Variants in ZFAND5 observed in about 807,000 individuals in gnomAD.
ZFAND5 encodes the protein zinc finger AN1-type containing 5.
A neutral mutation model predicts 23.6 loss-of-function variants in ZFAND5; 4 were observed. The observed-to-expected ratio is 0.17, with a 90% CI of 0.08 to 0.39. The LOEUF (loss-of-function observed/expected upper bound fraction) is 0.39, where lower values mean the gene tolerates loss of function less well. Among genes scored for constraint, ZFAND5 ranks in the 10% least tolerant of loss-of-function variants. The probability of loss-of-function intolerance (pLI) is 1.00; values close to 1 mark genes in which losing one functional copy is unlikely to be tolerated. For missense variants in ZFAND5, 161 were observed against 253.7 expected (o/e 0.63, Z 2.48); for synonymous variants, 68 against 80.6 (o/e 0.84, Z 0.84).
At position 72,356,323 on chromosome 9, in the gene ZFAND5, A is replaced by T. The variant is rs1346593530; in HGVS notation, c.494-222T>A. 3.9e-5 allele frequency among the ~76,000 whole-genome samples: 6 copies of T among 152,344 alleles called. No homozygotes were observed. The South Asian group carries it at 8.3e-4, about 21-fold the overall frequency. The stretch of plus-strand genomic sequence containing the variant: ...TTTTAACTTCCTTTGACATGGTGAG[A>T]AATTCAAATAACTATGTTCAGTCTT... On this transcript the variant is annotated intron_variant, in intron 6 of 6. Transcript: ENST00000376962.
chr9:72,351,834 AGT>A lies in ZFAND5; in HGVS notation c.*4117_*4118del, dbSNP rs1393189862. On this transcript the variant is annotated 3_prime_UTR_variant, in exon 7 of 7. Transcript: ENST00000376962. ...AACAAACAGGGGAAACTGTATTTCC[AGT>A]TTCTTTTTGTTAACAGCCTGTTGCC... 2 of 152,072 alleles carry A rather than the reference AGT, an allele frequency of 1.3e-5. No homozygotes were observed. The highest frequency in any genetic ancestry group is 1.5e-5 in the Non-Finnish European group (1 of 67,992). The allele number at this position is 152,072 out of a possible 1,614,324, so 9.4% of individuals were successfully genotyped here.
chr9:72,363,294 C>T (rs1026598035), intron 2 of ZFAND5, among the ~76,000 whole-genome samples, 176 bp downstream of exon 2: 5 of 152,162 alleles, frequency 3.3e-5, no homozygotes, highest in African/African-American at 4.8e-5. Flanking sequence ...TCAGGTATAG[C>T]TAGAATGCAG....
rs201269279 is a variant in ZFAND5, at chr9:72,353,743, C to A, written c.*2210G>T. ...ACCTTCTCTATACCACTCTTACTTC[C>A]ATTTTTAACTTGAAAAATTAAGTTG... is the stretch of plus-strand genomic sequence containing the variant. On this transcript the variant is annotated 3_prime_UTR_variant, in exon 7 of 7. Coordinates refer to ENST00000376962, the MANE Select transcript of ZFAND5 (RefSeq NM_001102420.3). 6.0e-4 allele frequency: 1 copy of A among 1,654 alleles called. No individual in the cohort carries two copies. Among genetic ancestry groups the A allele is most frequent in the African/African-American group, 6.4e-4 (1 of 1,560 alleles). The allele number at this position is 1,654 out of a possible 1,614,324, so 0.1% of individuals were successfully genotyped here. A position where few individuals can be genotyped will look rare whatever the true frequency, so the allele number is the denominator to read the frequency against.
Position 72,354,072 on chromosome 9 carries a change from A to T in ZFAND5, c.*1881T>A, listed in dbSNP as rs917050820. The stretch of plus-strand genomic sequence containing the variant: ...GCTACAGAGACCAAGTCCATGGGTG[A>T]ATCTCTGTATTAGAGCCAAACCCAA... On this transcript the variant is annotated 3_prime_UTR_variant, in exon 7 of 7. Transcript: ENST00000376962. The T allele has an allele frequency of 6.6e-6, 1 of 152,144 alleles. No homozygotes were observed. Among genetic ancestry groups the T allele is most frequent in the African/African-American group, 2.4e-5 (1 of 41,398 alleles). 9.4% of individuals were successfully genotyped at this position (152,144 alleles called of 1,614,324 possible).
chr9:72,364,538 G>A, intron 1 of ZFAND5, 158 bp downstream of exon 1: 1 of 1,277,362 alleles, frequency 7.8e-7, no homozygotes, highest in Non-Finnish European at 1.0e-6. Flanking sequence ...CCGTCTTTGT[G>A]CTTCCTGGGC....
At position 72,354,072 on chromosome 9, in the gene ZFAND5, A is replaced by C. The variant is rs917050820; in HGVS notation, c.*1881T>G. On this transcript the variant is annotated 3_prime_UTR_variant, in exon 7 of 7. Transcript: ENST00000376962. ...GCTACAGAGACCAAGTCCATGGGTG[A>C]ATCTCTGTATTAGAGCCAAACCCAA... The C allele has an allele frequency of 6.6e-6, 1 of 152,144 alleles. No individual in the cohort carries two copies. Among genetic ancestry groups the C allele is most frequent in the African/African-American group, 2.4e-5 (1 of 41,398 alleles). 9.4% of individuals were successfully genotyped at this position (152,144 alleles called of 1,614,324 possible).
At chr9:72,363,779 G>A (rs958069594) in intron 1 of ZFAND5, 173 bp from the exon 2 acceptor site, 25 of 419,214 alleles carry the variant, frequency 6.0e-5, no homozygotes, top group Non-Finnish European at 7.7e-5. Flanking sequence ...AAATACATTC[G>A]TTTATGTTTT....
chr9:72,354,964 G>A lies in ZFAND5; in HGVS notation c.*989C>T, dbSNP rs962662697. The A allele has an allele frequency of 1.3e-5, 2 of 152,614 alleles. No homozygotes were observed. Among genetic ancestry groups the A allele is most frequent in the Admixed American group, 6.5e-5 (1 of 15,268 alleles). The allele number at this position is 152,614 out of a possible 1,614,324, so 9.5% of individuals were successfully genotyped here. ...TGCAAGTGGTGCTGGATACCACTAA[G>A]AAGTCTACTGCAGCCATGTTGGTTA... On this transcript the variant is annotated 3_prime_UTR_variant, in exon 7 of 7. Transcript: ENST00000376962.
chr9:72,351,655 C>T lies in ZFAND5; in HGVS notation c.*4298G>A, dbSNP rs998326900. The T allele has an allele frequency of 5.9e-5, 9 of 151,432 alleles. No homozygotes were observed. The highest frequency in any genetic ancestry group is 2.0e-4 in the Admixed American group (3 of 15,200). The allele number at this position is 151,432 out of a possible 1,614,324, so 9.4% of individuals were successfully genotyped here. A position where few individuals can be genotyped will look rare whatever the true frequency, so the allele number is the denominator to read the frequency against. On this transcript the variant is annotated 3_prime_UTR_variant, in exon 7 of 7. Coordinates refer to ENST00000376962, the MANE Select transcript of ZFAND5 (RefSeq NM_001102420.3). ...CAATGACTGTATATTTAGTCACCAC[C>T]TCAACCACTGCTAAGCTCTCTTCAT...
chr9:72,357,200 T>C, intron 5 of ZFAND5, 144 bp from the exon 6 acceptor site: 1 of 1,011,330 alleles, frequency 9.9e-7, no homozygotes. Context: ...TTAAACAGAA[T>C]CTTCCATTTT....
intron 5 of ZFAND5, among the ~76,000 whole-genome samples, chr9:72,357,481 T>G (rs17057662): frequency 0.03 from 4,632 of 152,250 alleles, 225 homozygotes; most frequent in African/African-American, 0.1. Context: ...GTAGCCAACT[T>G]TGATTTTATG....
rs1257116810 is a variant in ZFAND5 at position 72,356,389 on chromosome 9, C to T, written c.494-288G>A. Among the ~76,000 whole-genome samples the T allele has an allele frequency of 2.0e-5, 3 of 152,158 alleles. No homozygotes were observed. The East Asian group carries it at 5.8e-4, about 29-fold the overall frequency. ...TAGCGAAGTGTTTGGTAAGCCAAAC[C>T]ACGTGGAGAAAACAAAATGGGCTAT... On this transcript the variant is annotated intron_variant, in intron 6 of 6. Coordinates refer to ENST00000376962, the MANE Select transcript of ZFAND5 (RefSeq NM_001102420.3).
chr9:72,357,403 T>C (rs1483714956), intron 5 of ZFAND5, among the ~76,000 whole-genome samples: 1 of 152,184 alleles, frequency 6.6e-6, no homozygotes, highest in Non-Finnish European at 1.5e-5. Flanking sequence ...TTTTTCCACG[T>C]TATAATTTCC....
rs1564307523 is a variant in ZFAND5 at position 72,359,402 on chromosome 9, T to TAA, written c.367+14_367+15dup. On this transcript the variant is annotated intron_variant, in intron 5 of 6. Coordinates refer to ENST00000376962, the MANE Select transcript of ZFAND5 (RefSeq NM_001102420.3). ...ATCAAATTCAGAACTGAACAAGTAT[T>TAA]AAATGAAAAACATACCTGGCTCTGA... The TAA allele has an allele frequency of 1.3e-5, 21 of 1,610,118 alleles. No homozygotes were observed. The highest frequency in any genetic ancestry group is 1.8e-5 in the Non-Finnish European group (21 of 1,178,468).
At chr9:72,360,440 C>A in intron 3 of ZFAND5, 188 bp downstream of exon 3, 1 of 870,444 alleles carries the variant, frequency 1.1e-6, no homozygotes, top group Non-Finnish European at 1.8e-6. Flanking sequence ...AACTGAAAAG[C>A]TATAAGATGC....
intron 5 of ZFAND5, 87 bp downstream of exon 5, chr9:72,359,331 C>T: frequency 7.4e-7 from 1 of 1,342,350 alleles, no homozygotes. Context: ...CTCTTTGGTC[C>T]TTCAATGGGA....
Position 72,358,076 on chromosome 9 carries a change from C to T in ZFAND5, c.368-1020G>A, listed in dbSNP as rs139854782. Among the ~76,000 whole-genome samples, 91 of 152,216 alleles carry T rather than the reference C, an allele frequency of 6.0e-4. No homozygotes were observed. The East Asian group carries it at 0.016, about 27-fold the overall frequency. ...AATTACTGCCCAAATATGCCAGCAC[C>T]AATGCTATTAGCATATAGACAAGCT... is the stretch of plus-strand genomic sequence containing the variant. On this transcript the variant is annotated intron_variant, in intron 5 of 6. Transcript: ENST00000376962.
In ZFAND5 at chr9:72,355,296, T is replaced by A. The variant is rs553159962; in HGVS notation, c.*657A>T. 3.9e-5 allele frequency: 6 copies of A among 152,808 alleles called. No homozygotes were observed. Among genetic ancestry groups the A allele is most frequent in the African/African-American group, 1.4e-4 (6 of 41,590 alleles). The allele number at this position is 152,808 out of a possible 1,614,324, so 9.5% of individuals were successfully genotyped here. ...CCAGTACAATAAGCTTCAAAGGTTA[T>A]CTCAAGACCCTGTTGTTGGCTTGAT... On this transcript the variant is annotated 3_prime_UTR_variant, in exon 7 of 7. Transcript: ENST00000376962.
chr9:72,364,592 T>C, intron 1 of ZFAND5, 104 bp downstream of exon 1: 2 of 1,237,932 alleles, frequency 1.6e-6, no homozygotes, highest in Non-Finnish European at 2.1e-6. Context: ...ATCCGCGGCC[T>C]GCTCCGGCTT....
Sources: allele counts gnomAD v4.1 joint callset (sites outside exome capture counted in the v4.1 genomes callset), GRCh38; gene constraint gnomAD v4.1.1; transcripts MANE v1.5; gene names NCBI Gene and HGNC (gene_info 2026-07-23, HGNC 2026-07-21).